The following SLC44A2 variants were observed in gnomAD, a reference collection of about 807,000 sequenced individuals.
The protein encoded by SLC44A2 is solute carrier family 44 member 2 (CTL2 blood group), also known as choline transporter-like protein 2.
In SLC44A2, 57 loss-of-function variants were observed where a neutral mutation model predicts 90.8. That is an observed-to-expected ratio of 0.63 (90% confidence interval 0.51 to 0.78). SLC44A2 has a LOEUF of 0.78. Among genes scored for constraint, SLC44A2 ranks in the 30% least tolerant of loss-of-function variants. SLC44A2 has a pLI of 0.00. For missense variants in SLC44A2, 794 were observed against 919.7 expected (o/e 0.86, Z 1.77); for synonymous variants, 355 against 360.7 (o/e 0.98, Z 0.18).
chr19:10,621,895 G>A (rs2066897436), upstream of SLC44A2, among the ~76,000 whole-genome samples: 1 of 152,182 alleles, frequency 6.6e-6, no homozygotes, highest in Non-Finnish European at 1.5e-5. Flanking sequence ...GGGATTATAG[G>A]CGTGAGCCAC....
chr19:10,639,181 G>A (rs1352591557), intron 20 of SLC44A2, among the ~76,000 whole-genome samples: 29 of 152,134 alleles, frequency 1.9e-4, no homozygotes, highest in African/African-American at 2.4e-5. Flanking sequence ...TGATCCGCCC[G>A]CCTCGGGCTC....
chr19:10,605,795 G>T (rs1197658680), intron 1 of SLC44A2, among the ~76,000 whole-genome samples: 1 of 151,446 alleles, frequency 6.6e-6, no homozygotes, highest in Non-Finnish European at 1.5e-5. Context: ...GGAGATCGAG[G>T]CCAGCCTGGC....
intron 1 of SLC44A2, among the ~76,000 whole-genome samples, chr19:10,605,037 A>T (rs1451446090): frequency 6.6e-6 from 1 of 152,108 alleles, no homozygotes; most frequent in Non-Finnish European, 1.5e-5. Flanking sequence ...ATAAACTCTG[A>T]CCATGGAGAA....
At chr19:10,621,891 A>G (rs987994789), upstream of SLC44A2, among the ~76,000 whole-genome samples, 1 of 152,164 alleles carries the variant, frequency 6.6e-6, no homozygotes, top group African/African-American at 2.4e-5. Flanking sequence ...TGCTGGGATT[A>G]TAGGCGTGAG....
At chr19:10,609,236 G>A (rs929275686) in intron 1 of SLC44A2, among the ~76,000 whole-genome samples, 4 of 152,010 alleles carry the variant, frequency 2.6e-5, no homozygotes, top group Non-Finnish European at 2.9e-5. Flanking sequence ...GATTACAAGC[G>A]TGAGCAACCA....
chr19:10,604,749 G>T (rs978098853), intron 1 of SLC44A2, among the ~76,000 whole-genome samples: 1 of 152,134 alleles, frequency 6.6e-6, no homozygotes, highest in East Asian at 1.9e-4. Flanking sequence ...TGTCAAGCTC[G>T]ATGTGCTCAG....
At position 10,616,880 on chromosome 19, in the gene SLC44A2, C is replaced by T. The variant is rs886149685; in HGVS notation, c.32-9373C>T. The stretch of plus-strand genomic sequence containing the variant: ...ACCTCAGTCTCCCTGGTAGCTGGGA[C>T]TACAGGCACGGACCACCACGCCCAG... On this transcript the variant is annotated intron_variant, in intron 1 of 21. Transcript: ENST00000407327. Among the ~76,000 whole-genome samples, 3 of 152,124 alleles carry T rather than the reference C, an allele frequency of 2.0e-5. No individual in the cohort carries two copies. In the East Asian group the frequency reaches 5.8e-4, roughly 29 times the overall value.
chr19:10,603,732 G>A (rs1359394026), intron 1 of SLC44A2, among the ~76,000 whole-genome samples: 1 of 152,162 alleles, frequency 6.6e-6, no homozygotes, highest in Non-Finnish European at 1.5e-5. Context: ...TCTTCATTTG[G>A]GCTCAAATTC....
intron 10 of SLC44A2, among the ~76,000 whole-genome samples, chr19:10,632,728 C>T (rs1320924726): frequency 1.3e-5 from 2 of 149,138 alleles, no homozygotes; most frequent in South Asian, 2.1e-4. Context: ...GCTGGAGTGC[C>T]ATGGCGCGAT....
chr19:10,612,440 C>A (rs1409139857), intron 1 of SLC44A2, among the ~76,000 whole-genome samples: 1 of 152,126 alleles, frequency 6.6e-6, no homozygotes, highest in Non-Finnish European at 1.5e-5. Flanking sequence ...CTAACATAGT[C>A]CAGCATACAG....
At chr19:10,611,070 C>T (rs1247707428) in intron 1 of SLC44A2, among the ~76,000 whole-genome samples, 4 of 151,884 alleles carry the variant, frequency 2.6e-5, no homozygotes, top group African/African-American at 9.7e-5. Flanking sequence ...GTTGAATTCC[C>T]CGGCTGAAGC....
At position 10,610,631 on chromosome 19, in the gene SLC44A2, C is replaced by CTTTTTTTTTTTTTTTTTTT. The variant is rs56002726; in HGVS notation, c.31+8077_31+8095dup. Among the ~76,000 whole-genome samples the CTTTTTTTTTTTTTTTTTTT allele has an allele frequency of 4.2e-5, 2 of 48,014 alleles. 1 individual carries two copies. The highest frequency in any genetic ancestry group is 1.8e-4 in the African/African-American group (2 of 10,906). 31.5% of individuals were successfully genotyped at this position (48,014 alleles called of 152,430 possible). A position where few individuals can be genotyped will look rare whatever the true frequency, so the allele number is the denominator to read the frequency against. The stretch of plus-strand genomic sequence containing the variant: ...TACAGTCGTGAGCCACCGCGCCTGG[C>CTTTTTTTTTTTTTTTTTTT]TTTTTTTTTTTTTTTTTTTTTTTTT... On this transcript the variant is annotated intron_variant, in intron 1 of 21. Transcript: ENST00000407327.
intron 20 of SLC44A2, among the ~76,000 whole-genome samples, chr19:10,640,510 C>G (rs1197402562): frequency 1.3e-5 from 2 of 152,082 alleles, no homozygotes; most frequent in Non-Finnish European, 1.5e-5. Flanking sequence ...CCAGGCTGGT[C>G]TTGAACTCTG....
chr19:10,640,950 G>T (rs1751689044), intron 20 of SLC44A2: 1 of 249,480 alleles, frequency 4.0e-6, no homozygotes, highest in Non-Finnish European at 8.1e-6. Flanking sequence ...AGTCAGGTGT[G>T]CTGGTACGCA....
intron 10 of SLC44A2, among the ~76,000 whole-genome samples, chr19:10,633,412 G>A (rs1461143582): frequency 2.0e-5 from 3 of 150,350 alleles, no homozygotes; most frequent in Non-Finnish European, 3.0e-5. Context: ...TGCCTGCCTC[G>A]ACCTCCCAAA....
At chr19:10,640,761 G>T (rs1009352066) in intron 20 of SLC44A2, among the ~76,000 whole-genome samples, 1 of 152,172 alleles carries the variant, frequency 6.6e-6, no homozygotes. Flanking sequence ...CAAGAGCTCA[G>T]GAGGGGTGCC....
intron 16 of SLC44A2, chr19:10,637,146 A>C (rs1375535149): frequency 4.4e-6 from 1 of 225,436 alleles, no homozygotes; most frequent in Non-Finnish European, 8.9e-6. Flanking sequence ...ACCTGAGGTC[A>C]GGAGACCAGC....
chr19:10,640,136 G>A (rs568810635), intron 20 of SLC44A2, among the ~76,000 whole-genome samples: 33 of 118,708 alleles, frequency 2.8e-4, no homozygotes, highest in Middle Eastern at 6.7e-3. Context: ...TGTCACCCAC[G>A]CTGGAGTGCG....
intron 1 of SLC44A2, among the ~76,000 whole-genome samples, 185 bp from the exon 2 acceptor site, chr19:10,626,068 C>G (rs1407619570): frequency 2.0e-5 from 3 of 152,224 alleles, no homozygotes; most frequent in African/African-American, 4.8e-5. Flanking sequence ...CCTGTCCTGG[C>G]CTGCCAGAAC....
Sources: gnomAD v4.1 joint callset for allele counts (sites outside exome capture counted in the v4.1 genomes callset) on GRCh38, gnomAD v4.1.1 for gene constraint, MANE v1.5 for transcripts, NCBI Gene and HGNC (gene_info 2026-07-23, HGNC 2026-07-21) for gene names.